NEO1: variants seen among roughly 807,000 people sequenced by gnomAD.
The protein encoded by NEO1 is neogenin.
A neutral mutation model predicts 159.7 loss-of-function variants in NEO1; 63 were observed. That is an observed-to-expected ratio of 0.39 (90% CI 0.32 to 0.49). The LOEUF (loss-of-function observed/expected upper bound fraction) is 0.49, where lower values mean the gene tolerates loss of function less well. Ranked by LOEUF, NEO1 falls within the 20% of genes least tolerant of loss-of-function variation. NEO1 has a pLI of 0.85. For missense variants in NEO1, 1,615 were observed against 1,831.0 expected (o/e 0.88, Z 2.15); for synonymous variants, 633 against 662.0 (o/e 0.96, Z 0.67).
chr15:73,122,940 C>A, intron 3 of NEO1, 140 bp downstream of exon 3: 1 of 1,027,120 alleles, frequency 9.7e-7, no homozygotes, highest in Non-Finnish European at 1.4e-6. Flanking sequence ...GAGGTTGAAG[C>A]GGGTGGATCA....
chr15:73,082,273 C>T (rs1056596921), intron 1 of NEO1, among the ~76,000 whole-genome samples: 5 of 152,086 alleles, frequency 3.3e-5, no homozygotes, highest in Non-Finnish European at 5.9e-5. Context: ...ACATTTTCCT[C>T]CCCTAAGTTT....
intron 1 of NEO1, among the ~76,000 whole-genome samples, chr15:73,111,729 T>G (rs1290301218): frequency 6.6e-6 from 1 of 152,102 alleles, no homozygotes. Flanking sequence ...CCAGTGATCC[T>G]CCCACCTCAG....
chr15:73,090,175 ATATT>A (rs2069605650), intron 1 of NEO1, among the ~76,000 whole-genome samples: 1 of 152,170 alleles, frequency 6.6e-6, no homozygotes, highest in African/African-American at 2.4e-5. Context: ...ATAACAATAT[ATATT>A]ATTCCATTTA....
At chr15:73,147,423 T>A (rs1468908065) in intron 5 of NEO1, among the ~76,000 whole-genome samples, 2 of 152,200 alleles carry the variant, frequency 1.3e-5, no homozygotes, top group East Asian at 3.9e-4. Flanking sequence ...TGGCACCATG[T>A]TTTGTGGTCT....
chr15:73,209,774 C>A (rs990182527), intron 7 of NEO1, among the ~76,000 whole-genome samples: 12 of 152,006 alleles, frequency 7.9e-5, no homozygotes, highest in African/African-American at 2.9e-4. Flanking sequence ...GGTGGATCAT[C>A]TGAGGTCAGG....
intron 4 of NEO1, among the ~76,000 whole-genome samples, chr15:73,129,637 A>G (rs1383872244): frequency 1.3e-5 from 2 of 152,198 alleles, no homozygotes. Context: ...GAATCTGGAA[A>G]ATATAAATGC....
intron 16 of NEO1, among the ~76,000 whole-genome samples, chr15:73,267,239 CAGAG>C (rs1204018417): frequency 6.6e-6 from 1 of 152,084 alleles, no homozygotes; most frequent in Non-Finnish European, 1.5e-5. Context: ...GGCTAGGCGA[CAGAG>C]AGAGATTGTC....
chr15:73,093,713 A>G (rs1443764849), intron 1 of NEO1, among the ~76,000 whole-genome samples: 1 of 151,864 alleles, frequency 6.6e-6, no homozygotes, highest in East Asian at 1.9e-4. Flanking sequence ...AGCTGGGACC[A>G]CAGGCGTGCA....
intron 1 of NEO1, among the ~76,000 whole-genome samples, chr15:73,100,440 T>A (rs2151503166): frequency 6.6e-6 from 1 of 152,190 alleles, no homozygotes; most frequent in East Asian, 1.9e-4. Context: ...GTTCAAGCGA[T>A]TCTCCTGCCT....
chr15:73,169,932 G>C (rs1217818741), intron 5 of NEO1, among the ~76,000 whole-genome samples: 1 of 151,960 alleles, frequency 6.6e-6, no homozygotes, highest in African/African-American at 2.4e-5. Context: ...TACCAGTAGG[G>C]TAAAGGAGGA....
chr15:73,173,700 A>C (rs1184499863), intron 5 of NEO1, among the ~76,000 whole-genome samples: 1 of 152,238 alleles, frequency 6.6e-6, no homozygotes, highest in South Asian at 2.1e-4. Context: ...TTAAAGACAG[A>C]AGAGGAAACA....
intron 4 of NEO1, among the ~76,000 whole-genome samples, chr15:73,133,634 A>G (rs893641884): frequency 2.6e-5 from 4 of 152,180 alleles, no homozygotes; most frequent in Non-Finnish European, 5.9e-5. Context: ...ACCCTAGGCT[A>G]CTCAGGGATA....
At chr15:73,244,843 C>T (rs1195861805) in intron 9 of NEO1, among the ~76,000 whole-genome samples, 1 of 148,344 alleles carries the variant, frequency 6.7e-6, no homozygotes, top group Non-Finnish European at 1.5e-5. Flanking sequence ...CCCAGCTACT[C>T]GGGAGAATAG....
At chr15:73,301,282 A>G in intron 27 of NEO1, 39 bp from the exon 28 acceptor site, 1 of 1,613,308 alleles carries the variant, frequency 6.2e-7, no homozygotes, top group South Asian at 1.1e-5. Context: ...TAGGGGAGGC[A>G]GGCTTGGCCA....
chr15:73,085,879 A>G (rs1257332623), intron 1 of NEO1, among the ~76,000 whole-genome samples: 1 of 152,060 alleles, frequency 6.6e-6, no homozygotes, highest in African/African-American at 2.4e-5. Flanking sequence ...ATAATTTGCA[A>G]ATATTTTCTC....
chr15:73,293,498 C>T lies in NEO1; in HGVS notation c.3851C>T (p.Pro1284Leu). The T allele has an allele frequency of 6.2e-7, 1 of 1,614,180 alleles. No individual in the cohort carries two copies. The highest frequency in any genetic ancestry group is 8.5e-7 in the Non-Finnish European group (1 of 1,180,026). ...ARSHLYHPGSPWPIGTSMSLS... is the reference protein window; with the variant it reads ...ARSHLYHPGSLWPIGTSMSLS... ...AGTCATCTCTACCACCCGGGCAGCC[C>T]ATGGCCCATTGGCACATCCATGTCC... Residue 1284 changes from proline (P) to leucine (L), a missense_variant, in exon 26 of 29, where the codon CCA (proline) becomes CTA (leucine). This residue lies in a region of NEO1 where 471 missense variants were observed against 498.9 expected (regional missense o/e 0.94). Transcript: ENST00000261908.
At chr15:73,135,794 T>C in intron 4 of NEO1, 97 bp from the exon 5 acceptor site, 11 of 1,078,628 alleles carry the variant, frequency 1.0e-5, no homozygotes, top group Non-Finnish European at 1.4e-5. Flanking sequence ...ATAATAATAC[T>C]CTTTAAGTGT....
chr15:73,111,688 T>G (rs1177465869), intron 1 of NEO1, among the ~76,000 whole-genome samples: 1 of 152,156 alleles, frequency 6.6e-6, no homozygotes, highest in Admixed American at 6.5e-5. Context: ...TGGTGTAATC[T>G]TGGCTCACTG....
intron 7 of NEO1, among the ~76,000 whole-genome samples, chr15:73,234,885 C>T (rs1224156598): frequency 6.6e-6 from 1 of 152,160 alleles, no homozygotes; most frequent in Non-Finnish European, 1.5e-5. Flanking sequence ...CTCCACCACT[C>T]ATTCTCTGTG....
Sources: gnomAD v4.1 joint callset for allele counts (sites outside exome capture counted in the v4.1 genomes callset) on GRCh38, gnomAD v4.1.1 for gene constraint, gnomAD v4.1.1 regional missense constraint, MANE v1.5 for transcripts, NCBI Gene and HGNC (gene_info 2026-07-23, HGNC 2026-07-21) for gene names.